The following ISCU variants were observed in gnomAD, a reference collection of about 807,000 sequenced individuals.
The protein encoded by ISCU is iron-sulfur cluster assembly enzyme ISCU.
A neutral mutation model predicts 18.4 loss-of-function variants in ISCU; 13 were observed. The ratio of observed to expected loss-of-function variants is 0.71; its 90% CI spans 0.46 to 1.12. The LOEUF is 1.12. Ranked by LOEUF, ISCU falls within the 50% of genes most tolerant of loss-of-function variation. The pLI is 0.00. For missense variants in ISCU, 229 were observed against 208.7 expected, an observed-to-expected ratio of 1.10 and a Z score of -0.60; for synonymous variants, 104 against 87.5, an observed-to-expected ratio of 1.19 and a Z score of -1.06.
At chr12:108,561,963 G>A (rs182007149), upstream of ISCU, among the ~76,000 whole-genome samples, 1 of 152,228 alleles carries the variant, frequency 6.6e-6, no homozygotes, top group Admixed American at 6.5e-5. Context: ...AGGCTTAATG[G>A]GCAGGAATTA....
chr12:108,564,431 C>CT (rs2030793618), intron 2 of ISCU, 39 bp downstream of exon 2: 1 of 1,393,136 alleles, frequency 7.2e-7, no homozygotes, highest in African/African-American at 1.4e-5. Flanking sequence ...ACAATAATCC[C>CT]TTTAAGTTTA....
intron 4 of ISCU, 134 bp downstream of exon 4, chr12:108,567,402 A>G: frequency 1.2e-6 from 1 of 811,480 alleles, no homozygotes; most frequent in Non-Finnish European, 2.1e-6. Flanking sequence ...CTGTCCTTAT[A>G]ACCTGCAGAG....
Position 108,562,717 on chromosome 12 carries a change from C to A in ISCU, c.95C>A (p.Ala32Asp). Residue 32 changes from alanine to aspartate, a missense_variant, in exon 1 of 5, where the codon GCC becomes GAC. Ala to Asp is a moderately radical substitution (Grantham distance 126). Transcript: ENST00000311893. ...CCCGCCCGGGAGCTGTCGGCCCCGG[C>A]CCGACTCTATCACAAGAAGGTAGGG... ...RLPARELSAPARLYHKKVVDH... is the reference protein window; with the variant it reads ...RLPARELSAPDRLYHKKVVDH... 1 of 1,489,506 alleles carries A rather than the reference C, an allele frequency of 6.7e-7. No homozygotes were observed. Among genetic ancestry groups the A allele is most frequent in the East Asian group, 2.7e-5 (1 of 36,876 alleles). 92.3% of individuals were successfully genotyped at this position (1,489,506 alleles called of 1,614,324 possible).
rs554292860 is a variant in ISCU at position 108,562,867 on chromosome 12, C to T, written c.114+131C>T. On this transcript the variant is annotated intron_variant, in intron 1 of 4. Transcript: ENST00000311893. ...ACGTCTTTGCCCTGACTCGCTTTCC[C>T]TTGCTGCGCAGTGAGGCTCACTGCA... 5 of 469,908 alleles carry T rather than the reference C, an allele frequency of 1.1e-5. No individual in the cohort carries two copies. In the East Asian group the frequency reaches 1.4e-4, roughly 13 times the overall value. 29.1% of individuals were successfully genotyped at this position (469,908 alleles called of 1,614,324 possible).
At chr12:108,568,268 C>CT in intron 4 of ISCU, 1 of 1,157,768 alleles carries the variant, frequency 8.6e-7, no homozygotes, top group Non-Finnish European at 1.1e-6. Flanking sequence ...TTCCAGCTCT[C>CT]TCAGTTTTTA....
rs1377928478 is a variant in ISCU at position 108,569,174 on chromosome 12, C to G, written c.*258C>G. 4 of 490,444 alleles carry G rather than the reference C, an allele frequency of 8.2e-6. No homozygotes were observed. The highest frequency in any genetic ancestry group is 1.5e-5 in the Non-Finnish European group (4 of 269,990). 30.4% of individuals were successfully genotyped at this position (490,444 alleles called of 1,614,324 possible). A position where few individuals can be genotyped will look rare whatever the true frequency, so the allele number is the denominator to read the frequency against. On this transcript the variant is annotated 3_prime_UTR_variant, in exon 5 of 5. Coordinates refer to ENST00000311893, the MANE Select transcript of ISCU (RefSeq NM_213595.4). ...TTGAATTGTGTGTATGACCTCAGAA[C>G]TGAAATTGATAATGAAGTTGCAAGT...
chr12:108,563,809 G>A (rs973238713), intron 1 of ISCU: 13 of 479,918 alleles, frequency 2.7e-5, no homozygotes, highest in Non-Finnish European at 3.8e-5. Context: ...ACACATAAAC[G>A]TACACATTCC....
chr12:108,565,468 G>C (rs768894092), intron 3 of ISCU, 37 bp downstream of exon 3: 1 of 1,358,284 alleles, frequency 7.4e-7, no homozygotes, highest in Non-Finnish European at 1.1e-6. Flanking sequence ...TCAAAAACAA[G>C]TAACCATGAC....
chr12:108,562,534 G>A (rs1467555071), upstream of ISCU: 5 of 713,362 alleles, frequency 7.0e-6, no homozygotes, highest in East Asian at 1.0e-4. Context: ...GGTGACGTCA[G>A]AGAGGCGCGC....
At chr12:108,568,487 C>T (rs2031003393) in intron 4 of ISCU, 4 of 1,189,848 alleles carry the variant, frequency 3.4e-6, no homozygotes, top group Non-Finnish European at 4.2e-6. Flanking sequence ...TTCCTGTGTC[C>T]CTACTATGTG....
intron 1 of ISCU, 170 bp from the exon 2 acceptor site, chr12:108,564,109 G>T (rs748155212): frequency 2.5e-6 from 4 of 1,613,480 alleles, no homozygotes; most frequent in Non-Finnish European, 3.4e-6. Context: ...AGGAATTGGG[G>T]GTCACAAATG....
chr12:108,562,272 A>G (rs2030607338), upstream of ISCU, among the ~76,000 whole-genome samples: 1 of 152,218 alleles, frequency 6.6e-6, no homozygotes, highest in Non-Finnish European at 1.5e-5. Context: ...GCTGCAAAAT[A>G]GGGTTAGGAA....
At chr12:108,564,608 T>C (rs1021952174) in intron 2 of ISCU, among the ~76,000 whole-genome samples, 2 of 152,218 alleles carry the variant, frequency 1.3e-5, no homozygotes, top group African/African-American at 4.8e-5. Flanking sequence ...ATGCCAACTT[T>C]TTCCAAAATA....
chr12:108,567,845 G>A (rs1355615353), intron 4 of ISCU: 3 of 1,491,878 alleles, frequency 2.0e-6, no homozygotes, highest in African/African-American at 2.8e-5. Flanking sequence ...GATGCCTTAA[G>A]ACTTGTACTT....
chr12:108,568,835 G>A lies in ISCU; in HGVS notation c.423G>A (p.Leu141=), dbSNP rs1064797174. 1 of 1,612,954 alleles carries A rather than the reference G, an allele frequency of 6.2e-7. No homozygotes were observed. The part of the protein sequence containing the change: ...LPPVKLHCSM[L]AEDAIKAALA... ...CTTTCCTTCCGTTACTTCCAGTGCT[G>A]GCTGAAGATGCAATCAAGGCCGCCC... Residue 141 remains leucine, a synonymous_variant, in exon 5 of 5, where the codon CTG becomes CTA. Coordinates refer to ENST00000311893, the MANE Select transcript of ISCU (RefSeq NM_213595.4).
intron 1 of ISCU, chr12:108,563,344 A>G (rs2030722755): frequency 6.5e-6 from 1 of 152,954 alleles, no homozygotes; most frequent in Non-Finnish European, 1.5e-5. Context: ...GGATAGATTC[A>G]TAGTCTGCAG....
chr12:108,567,082 A>G, intron 3 of ISCU, 108 bp from the exon 4 acceptor site: 1 of 805,206 alleles, frequency 1.2e-6, no homozygotes, highest in Non-Finnish European at 2.2e-6. Flanking sequence ...TTAAACAGAA[A>G]TCATCCCCAC....
At chr12:108,562,068 A>G (rs75704570), upstream of ISCU, among the ~76,000 whole-genome samples, 7,276 of 152,204 alleles carry the variant, frequency 0.048, 578 homozygotes, top group African/African-American at 0.17. Context: ...TGATGAAGCA[A>G]TTGTCCTCGA....
rs112767103 is a variant in ISCU, at chr12:108,568,926, C to G, written c.*10C>G. ...GGCAGAGAAGAAATGAGCCCTCCCT[C>G]GGCGAAGCCTCCAGCAGGCCACACC... On this transcript the variant is annotated 3_prime_UTR_variant, in exon 5 of 5. Transcript: ENST00000311893. 1.2e-6 allele frequency: 2 copies of G among 1,606,094 alleles called. No homozygotes were observed. The highest frequency in any genetic ancestry group is 1.7e-6 in the Non-Finnish European group (2 of 1,175,900).
Sources: gnomAD v4.1 joint callset for allele counts (sites outside exome capture counted in the v4.1 genomes callset) on GRCh38, gnomAD v4.1.1 for gene constraint, MANE v1.5 for transcripts, NCBI Gene and HGNC (gene_info 2026-07-23, HGNC 2026-07-21) for gene names.